ADGRV1: variants seen among roughly 807,000 people sequenced by gnomAD.
The protein encoded by ADGRV1 is G-protein coupled receptor 98.
ADGRV1 carries 359 observed loss-of-function variants against 596.2 expected under a neutral mutation model. The ratio of observed to expected loss-of-function variants is 0.60; its 90% CI spans 0.55 to 0.66. ADGRV1 has a LOEUF of 0.66. Ranked by LOEUF, ADGRV1 falls within the 30% of genes least tolerant of loss-of-function variation. The pLI is 0.00. For synonymous variants in ADGRV1, 2,681 were observed against 2,679.2 expected (o/e 1.00, Z -0.02); for missense variants, 7,274 against 7,575.6 (o/e 0.96, Z 1.48).
intron 83 of ADGRV1, among the ~76,000 whole-genome samples, chr5:90,909,329 A>G (rs1318275460): frequency 1.3e-5 from 2 of 152,068 alleles, no homozygotes; most frequent in East Asian, 1.9e-4. Context: ...AAATGTTGCT[A>G]TTATGCCTTG....
chr5:90,764,368 T>C (rs1756855345), intron 59 of ADGRV1, among the ~76,000 whole-genome samples: 1 of 152,196 alleles, frequency 6.6e-6, no homozygotes, highest in African/African-American at 2.4e-5. Context: ...GGCCCTGTTC[T>C]TCCTGTAAGC....
At chr5:91,039,630 ATG>A (rs1785175003) in intron 85 of ADGRV1, among the ~76,000 whole-genome samples, 1 of 152,212 alleles carries the variant, frequency 6.6e-6, no homozygotes, top group African/African-American at 2.4e-5. Flanking sequence ...CAAATAATAA[ATG>A]TCCACTTCCG....
chr5:90,906,861 G>A (rs903065172), intron 83 of ADGRV1, among the ~76,000 whole-genome samples: 1 of 152,034 alleles, frequency 6.6e-6, no homozygotes, highest in Non-Finnish European at 1.5e-5. Flanking sequence ...TTTTAATGTA[G>A]GAAAAGGCAG....
chr5:90,644,227 C>T (rs1767402419), intron 14 of ADGRV1, among the ~76,000 whole-genome samples: 1 of 152,110 alleles, frequency 6.6e-6, no homozygotes, highest in Non-Finnish European at 1.5e-5. Flanking sequence ...CAGTGCAACT[C>T]AAACACTCAA....
Position 90,729,995 on chromosome 5 carries a change from A to T in ADGRV1, c.10549+231A>T, listed in dbSNP as rs1284570349. 2.6e-5 allele frequency among the ~76,000 whole-genome samples: 4 copies of T among 152,010 alleles called. No individual in the cohort carries two copies. In the South Asian group the frequency reaches 6.2e-4, roughly 24 times the overall value. Reference sequence around the variant, plus strand: ...ATTCTCCTGCCTCAGTCTCCCCAGTAGCTGGGACTACAGGCGTCCGCCACC... The same window carrying T: ...ATTCTCCTGCCTCAGTCTCCCCAGTTGCTGGGACTACAGGCGTCCGCCACC... On this transcript the variant is annotated intron_variant, in intron 50 of 89. Coordinates refer to ENST00000405460, the MANE Select transcript of ADGRV1 (RefSeq NM_032119.4).
At chr5:90,779,723 C>A (rs1410243853) in intron 64 of ADGRV1, 1 of 152,132 alleles carries the variant, frequency 6.6e-6, no homozygotes, top group Admixed American at 6.6e-5. Flanking sequence ...TTTAAGTACT[C>A]ACAGGTTCTG....
At chr5:90,596,931 CAAA>C (rs987802631) in intron 1 of ADGRV1, among the ~76,000 whole-genome samples, 2 of 152,086 alleles carry the variant, frequency 1.3e-5, no homozygotes, top group Admixed American at 6.6e-5. Flanking sequence ...AAAACAAAAA[CAAA>C]AAGAGTGGTG....
chr5:90,662,573 C>A (rs1770527383), intron 21 of ADGRV1, among the ~76,000 whole-genome samples: 1 of 151,910 alleles, frequency 6.6e-6, no homozygotes, highest in Non-Finnish European at 1.5e-5. Context: ...TGGATTTGCA[C>A]TGAGAATCCT....
At chr5:90,924,729 A>G (rs370473045) in intron 83 of ADGRV1, among the ~76,000 whole-genome samples, 1 of 152,110 alleles carries the variant, frequency 6.6e-6, no homozygotes. Flanking sequence ...CTGAATGGTA[A>G]TGCCTAGGTT....
At chr5:90,614,038 A>T (rs1436775586) in intron 1 of ADGRV1, among the ~76,000 whole-genome samples, 1 of 152,084 alleles carries the variant, frequency 6.6e-6, no homozygotes, top group Non-Finnish European at 1.5e-5. Context: ...TATCTACATT[A>T]CAAAACAGCA....
chr5:91,026,770 C>T (rs997989713), intron 85 of ADGRV1, among the ~76,000 whole-genome samples: 3 of 152,028 alleles, frequency 2.0e-5, no homozygotes, highest in South Asian at 2.1e-4. Flanking sequence ...TTAATGTCTT[C>T]GTAAAGATAA....
In ADGRV1 at chr5:90,716,601, C is replaced by G; in HGVS notation, c.9319C>G (p.Pro3107Ala). ...TGCAGTATTGTACATTGTTCGGGAACCTGCACAAGGATTGTTTGGAACAGT... is the reference window on the plus strand; with the variant it reads ...TGCAGTATTGTACATTGTTCGGGAAGCTGCACAAGGATTGTTTGGAACAGT... ...SVAVLYIVREPAQGLFGTVTV... is the reference protein window; with the variant it reads ...SVAVLYIVREAAQGLFGTVTV... Residue 3107 changes from proline to alanine, a missense_variant, in exon 43 of 90, where the codon CCT (proline) becomes GCT (alanine). Coordinates refer to ENST00000405460, the MANE Select transcript of ADGRV1 (RefSeq NM_032119.4). 1.2e-6 allele frequency: 2 copies of G among 1,613,768 alleles called. No individual in the cohort carries two copies. Among genetic ancestry groups the G allele is most frequent in the Non-Finnish European group, 1.7e-6 (2 of 1,179,798 alleles).
Position 90,745,072 on chromosome 5 carries a change from A to G in ADGRV1, c.10576A>G (p.Met3526Val). ...IAHILLIGQD[M>V]SALYCWNSER... ...CCACATACTTCTTATTGGCCAAGAT[A>G]TGTCTGCTCTTTACTGCTGGAATTC... The change falls in exon 51 of 90, where the codon ATG (methionine) becomes GTG (valine). Residue 3526 changes from methionine to valine, a missense_variant. Met to Val is a conservative substitution (Grantham distance 21). This residue lies in a region of ADGRV1 where 3,643 missense variants were observed against 3,809.2 expected (regional missense o/e 0.96). Coordinates refer to ENST00000405460, the MANE Select transcript of ADGRV1 (RefSeq NM_032119.4). 1 of 1,613,690 alleles carries G rather than the reference A, an allele frequency of 6.2e-7. No homozygotes were observed. The highest frequency in any genetic ancestry group is 1.1e-5 in the South Asian group (1 of 91,060).
intron 85 of ADGRV1, among the ~76,000 whole-genome samples, chr5:91,025,510 G>A (rs1783952063): frequency 6.6e-6 from 1 of 152,126 alleles, no homozygotes; most frequent in African/African-American, 2.4e-5. Flanking sequence ...CTTTTTAATA[G>A]AAAAGATCAT....
chr5:90,648,874 A>AT (rs1768187579), intron 17 of ADGRV1, among the ~76,000 whole-genome samples: 1 of 152,252 alleles, frequency 6.6e-6, no homozygotes, highest in Non-Finnish European at 1.5e-5. Flanking sequence ...GACTAAAAAC[A>AT]TTTGGTGAAT....
At chr5:90,659,581 G>A (rs1769938563) in intron 21 of ADGRV1, among the ~76,000 whole-genome samples, 1 of 152,190 alleles carries the variant, frequency 6.6e-6, no homozygotes, top group Non-Finnish European at 1.5e-5. Flanking sequence ...GCAGCTAAAT[G>A]CTAAGAAACT....
In ADGRV1 at chr5:91,109,684, C is replaced by T. The variant is rs556898902; in HGVS notation, c.18432+7344C>T. Among the ~76,000 whole-genome samples, 3 of 152,244 alleles carry T rather than the reference C, an allele frequency of 2.0e-5. No homozygotes were observed. In the East Asian group the frequency reaches 5.8e-4, roughly 29 times the overall value. On this transcript the variant is annotated intron_variant, in intron 87 of 89. Transcript: ENST00000405460. ...TAGATAACAAAATCCTATGGAAGAC[C>T]AGATGGTACCATCCTGGGTCACATC...
At chr5:90,951,594 TTAA>T (rs1293168011) in intron 83 of ADGRV1, among the ~76,000 whole-genome samples, 1 of 152,212 alleles carries the variant, frequency 6.6e-6, no homozygotes, top group Non-Finnish European at 1.5e-5. Flanking sequence ...TGTACTATAG[TTAA>T]TAATGTATTT....
At chr5:90,670,593 C>T (rs1471997532) in intron 21 of ADGRV1, among the ~76,000 whole-genome samples, 2 of 152,058 alleles carry the variant, frequency 1.3e-5, no homozygotes, top group African/African-American at 4.8e-5. Flanking sequence ...TGCATATCGG[C>T]CAGACTCTCC....
Sources: allele counts gnomAD v4.1 joint callset (sites outside exome capture counted in the v4.1 genomes callset), GRCh38; gene constraint gnomAD v4.1.1; regional missense constraint gnomAD v4.1.1; transcripts MANE v1.5; gene names NCBI Gene and HGNC (gene_info 2026-07-23, HGNC 2026-07-21).